The following SLC2A13 variants were observed in gnomAD, a reference collection of about 807,000 sequenced individuals.
SLC2A13 encodes the protein proton myo-inositol cotransporter.
A neutral mutation model predicts 64.4 loss-of-function variants in SLC2A13; 32 were observed. That is an observed-to-expected ratio of 0.50 (90% CI 0.37 to 0.67). SLC2A13 has a LOEUF of 0.67. Among genes scored for constraint, SLC2A13 ranks in the 30% least tolerant of loss-of-function variants. SLC2A13 has a pLI of 0.00. For missense variants in SLC2A13, 743 were observed against 829.2 expected (o/e 0.90, Z 1.28); for synonymous variants, 338 against 327.1 (o/e 1.03, Z -0.36).
rs777418112 is a variant in SLC2A13, at chr12:39,895,514, TTATATATATATATATATA to T, written c.1035-23571_1035-23554del. On this transcript the variant is annotated intron_variant, in intron 4 of 9. Transcript: ENST00000280871. ...CAAAAAAAAAAAAAAAAAAAAAAAA[TTATATATATATATATATA>T]TATATATATATATATATATACACAC... Among the ~76,000 whole-genome samples, 34 of 56,654 alleles carry T rather than the reference TTATATATATATATATATA, an allele frequency of 6.0e-4. 3 individuals carry two copies. The highest frequency in any genetic ancestry group is 1.6e-3 in the African/African-American group (21 of 13,090). The allele number at this position is 56,654 out of a possible 152,430, so 37.2% of individuals were successfully genotyped here.
intron 6 of SLC2A13, among the ~76,000 whole-genome samples, chr12:39,862,502 A>G (rs945891910): frequency 3.3e-5 from 5 of 152,208 alleles, no homozygotes; most frequent in African/African-American, 1.2e-4. Context: ...TTGTGCTCCC[A>G]CTAATAGAAT....
chr12:39,782,971 T>G (rs1241685751), intron 7 of SLC2A13, among the ~76,000 whole-genome samples: 1 of 152,186 alleles, frequency 6.6e-6, no homozygotes, highest in Non-Finnish European at 1.5e-5. Flanking sequence ...GCTGCACCCA[T>G]TAACTCGTCA....
At chr12:39,864,688 C>G in intron 6 of SLC2A13, 74 bp downstream of exon 6, 1 of 1,576,544 alleles carries the variant, frequency 6.3e-7, no homozygotes, top group Non-Finnish European at 8.6e-7. Flanking sequence ...ATCTCTACAA[C>G]TTTAAAAAAG....
chr12:40,005,812 G>A (rs1328025155), intron 3 of SLC2A13, among the ~76,000 whole-genome samples: 1 of 152,132 alleles, frequency 6.6e-6, no homozygotes, highest in Non-Finnish European at 1.5e-5. Flanking sequence ...TGGTATCTGA[G>A]GGGTATCCTG....
chr12:39,820,761 A>G (rs74086720), intron 7 of SLC2A13, among the ~76,000 whole-genome samples: 1 of 10,750 alleles, frequency 9.3e-5, no homozygotes, highest in Non-Finnish European at 1.5e-4. Context: ...ATATATATAT[A>G]TATATATATA....
chr12:39,762,450 C>T (rs1229961719), intron 9 of SLC2A13, among the ~76,000 whole-genome samples: 1 of 152,050 alleles, frequency 6.6e-6, no homozygotes, highest in Admixed American at 6.6e-5. Context: ...ATAATGCCCC[C>T]CAAGGGATCT....
At chr12:40,010,402 T>C (rs1005091528) in intron 3 of SLC2A13, among the ~76,000 whole-genome samples, 10 of 152,196 alleles carry the variant, frequency 6.6e-5, no homozygotes, top group Non-Finnish European at 1.2e-4. Context: ...CCCTAAAATA[T>C]ATAAATGCCA....
intron 4 of SLC2A13, among the ~76,000 whole-genome samples, chr12:39,898,923 A>C (rs1945002178): frequency 6.6e-6 from 1 of 152,178 alleles, no homozygotes; most frequent in Admixed American, 6.5e-5. Context: ...GAAGGAAAAG[A>C]AGAGTGATCT....
chr12:39,872,321 T>C (rs1944078780), intron 4 of SLC2A13, among the ~76,000 whole-genome samples: 2 of 152,164 alleles, frequency 1.3e-5, no homozygotes, highest in Non-Finnish European at 2.9e-5. Flanking sequence ...AAGCTGCAAG[T>C]CCATGGAATG....
chr12:40,057,453 A>G (rs1948349049), intron 1 of SLC2A13, among the ~76,000 whole-genome samples: 2 of 152,194 alleles, frequency 1.3e-5, no homozygotes, highest in African/African-American at 4.8e-5. Context: ...AAAGTAGGTA[A>G]TATGAAATGA....
At chr12:39,805,237 CAG>C (rs1165134889) in intron 7 of SLC2A13, among the ~76,000 whole-genome samples, 4 of 152,130 alleles carry the variant, frequency 2.6e-5, no homozygotes, top group Non-Finnish European at 4.4e-5. Context: ...GAAGCCACGG[CAG>C]AGTGTTGAAC....
intron 6 of SLC2A13, among the ~76,000 whole-genome samples, chr12:39,848,573 T>A (rs1411305026): frequency 6.6e-6 from 1 of 152,212 alleles, no homozygotes; most frequent in East Asian, 1.9e-4. Flanking sequence ...ATACTGTTGG[T>A]AGGAGTGTAA....
rs150581153 is a variant in SLC2A13 at position 39,844,131 on chromosome 12, C to T, written c.1320-13903G>A. Among the ~76,000 whole-genome samples, 943 of 152,134 alleles carry T rather than the reference C, an allele frequency of 6.2e-3. 12 individuals are homozygous for T. The highest frequency in any genetic ancestry group is 0.021 in the African/African-American group (892 of 41,540). ...TATTTGTATAAACATTGATGTGTCC[C>T]TAAAAAGCTGTGCAACACACATGCC... On this transcript the variant is annotated intron_variant, in intron 6 of 9. Transcript: ENST00000280871.
chr12:39,983,210 A>G (rs1946950065), intron 3 of SLC2A13, among the ~76,000 whole-genome samples: 1 of 149,348 alleles, frequency 6.7e-6, no homozygotes, highest in Non-Finnish European at 1.5e-5. Flanking sequence ...CATTAGACCT[A>G]AAACCATAAA....
At chr12:40,085,278 C>T (rs1370967366) in intron 1 of SLC2A13, among the ~76,000 whole-genome samples, 1 of 152,184 alleles carries the variant, frequency 6.6e-6, no homozygotes, top group Non-Finnish European at 1.5e-5. Context: ...TTCTGTGAAC[C>T]ACCCTAGAAA....
Position 39,796,348 on chromosome 12 carries a change from G to T in SLC2A13, c.1446-31490C>A, listed in dbSNP as rs112642813. On this transcript the variant is annotated intron_variant, in intron 7 of 9. Coordinates refer to ENST00000280871, the MANE Select transcript of SLC2A13 (RefSeq NM_052885.4). The stretch of plus-strand genomic sequence containing the variant: ...CACATGCCTGTAATCCCAGCTACTT[G>T]GTAGGCTGAACCAGGAGGATCTCTT... Among the ~76,000 whole-genome samples the T allele has an allele frequency of 6.7e-3, 1,003 of 149,846 alleles. 12 individuals carry two copies. The highest frequency in any genetic ancestry group is 0.024 in the African/African-American group (962 of 40,704).
At chr12:39,879,313 G>C (rs1229097063) in intron 4 of SLC2A13, among the ~76,000 whole-genome samples, 1 of 152,200 alleles carries the variant, frequency 6.6e-6, no homozygotes, top group Non-Finnish European at 1.5e-5. Context: ...TGTGAGAAAT[G>C]GGCCACCATC....
intron 4 of SLC2A13, among the ~76,000 whole-genome samples, chr12:39,942,142 T>G (rs1256562505): frequency 6.6e-6 from 1 of 152,224 alleles, no homozygotes; most frequent in Non-Finnish European, 1.5e-5. Flanking sequence ...TCAGGTAGTG[T>G]GATGCCTCCA....
intron 6 of SLC2A13, among the ~76,000 whole-genome samples, chr12:39,830,878 C>T (rs904557480): frequency 2.6e-5 from 4 of 152,152 alleles, no homozygotes; most frequent in African/African-American, 7.2e-5. Flanking sequence ...CAAAGGCTAA[C>T]CATCCCCTAA....
Sources: gnomAD v4.1 joint callset for allele counts (sites outside exome capture counted in the v4.1 genomes callset) on GRCh38, gnomAD v4.1.1 for gene constraint, MANE v1.5 for transcripts, NCBI Gene and HGNC (gene_info 2026-07-23, HGNC 2026-07-21) for gene names.